Variants in C10orf105 observed in about 807,000 individuals in gnomAD.
C10orf105 encodes chromosome 10 open reading frame 105, also known as uncharacterized protein C10orf105.
Under a neutral mutation model 0.6 loss-of-function variants are expected in C10orf105, and 2 were observed. The ratio of observed to expected loss-of-function variants is 3.18; its 90% CI spans 1.30 to 10.01. The LOEUF is 10.01. C10orf105 is among the 30% of genes most tolerant of loss of function. The pLI is 0.04. For synonymous variants in C10orf105, 95 were observed against 82.4 expected, an observed-to-expected ratio of 1.15 and a Z score of -0.83; for missense variants, 209 against 191.4, an observed-to-expected ratio of 1.09 and a Z score of -0.54.
intron 1 of C10orf105, among the ~76,000 whole-genome samples, chr10:71,728,226 C>G (rs965347809): frequency 3.9e-5 from 6 of 152,140 alleles, no homozygotes; most frequent in Non-Finnish European, 5.9e-5. Context: ...TCTTCCCCAG[C>G]CAAGTTCTGG....
At chr10:71,716,831 C>T (rs1866271468) in intron 1 of C10orf105, 2 of 155,582 alleles carry the variant, frequency 1.3e-5, no homozygotes, top group Admixed American at 1.3e-4. Flanking sequence ...ATGTTTTTAT[C>T]AATGTAATTA....
upstream of C10orf105, among the ~76,000 whole-genome samples, chr10:71,722,614 A>T (rs1347647661): frequency 6.6e-6 from 1 of 152,246 alleles, no homozygotes; most frequent in Admixed American, 6.5e-5. Flanking sequence ...CAAAGATAGC[A>T]TGTATCAGAG....
Position 71,715,838 on chromosome 10 carries a change from G to T in C10orf105, c.*98C>A. 8.1e-7 allele frequency: 1 copy of T among 1,233,536 alleles called. No individual in the cohort carries two copies. Among genetic ancestry groups the T allele is most frequent in the Non-Finnish European group, 1.1e-6 (1 of 917,564 alleles). 76.4% of individuals were successfully genotyped at this position (1,233,536 alleles called of 1,614,324 possible). A position where few individuals can be genotyped will look rare whatever the true frequency, so the allele number is the denominator to read the frequency against. On this transcript the variant is annotated 3_prime_UTR_variant, in exon 2 of 2. Transcript: ENST00000441508. Reference sequence around the variant, plus strand: ...GTGAGTGTGTGTCCCAGACTGCTTGGGCCACTGTCTTCCTGCAGCCTGCAG... The same window carrying T: ...GTGAGTGTGTGTCCCAGACTGCTTGTGCCACTGTCTTCCTGCAGCCTGCAG...
intron 1 of C10orf105, among the ~76,000 whole-genome samples, chr10:71,737,460 G>T (rs1839598008): frequency 6.6e-6 from 1 of 152,252 alleles, no homozygotes; most frequent in African/African-American, 2.4e-5. Context: ...CCTACAGATA[G>T]GGGAGTGTGG....
chr10:71,722,885 G>A (rs1275866994), upstream of C10orf105, among the ~76,000 whole-genome samples: 1 of 152,176 alleles, frequency 6.6e-6, no homozygotes, highest in Non-Finnish European at 1.5e-5. Context: ...GTGGGAAGTG[G>A]GGCCCAGGGA....
chr10:71,718,386 C>A (rs1468651195), intron 1 of C10orf105, among the ~76,000 whole-genome samples: 1 of 152,158 alleles, frequency 6.6e-6, no homozygotes, highest in African/African-American at 2.4e-5. Context: ...CCCCTCCCAG[C>A]ACTTCCAGGC....
rs757508152 is a variant in C10orf105 at position 71,712,772 on chromosome 10, A to G, written c.*3164T>C. 23 of 1,613,042 alleles carry G rather than the reference A, an allele frequency of 1.4e-5. No individual in the cohort carries two copies. Among genetic ancestry groups the G allele is most frequent in the Admixed American group, 3.3e-5 (2 of 59,928 alleles). On this transcript the variant is annotated 3_prime_UTR_variant, in exon 2 of 2. Coordinates refer to ENST00000441508, the MANE Select transcript of C10orf105 (RefSeq NM_001164375.3). ...CTTTCTGCAGAGCAGCTATGAGGCC[A>G]GCGTCCCTGAGGACATCCCTGAAGG...
At chr10:71,729,895 C>T (rs866455033) in intron 1 of C10orf105, among the ~76,000 whole-genome samples, 2 of 151,364 alleles carry the variant, frequency 1.3e-5, no homozygotes, top group Non-Finnish European at 2.9e-5. Context: ...AGTGCAGTGG[C>T]GCGATCTTGG....
At position 71,725,427 on chromosome 10, in the gene C10orf105, G is replaced by C. The variant is rs397517324; in HGVS notation, c.-5-9085C>G. 36 of 1,614,046 alleles carry C rather than the reference G, an allele frequency of 2.2e-5. 1 individual carries two copies. The African/African-American group carries it at 4.7e-4, about 21-fold the overall frequency. The stretch of plus-strand genomic sequence containing the variant: ...TCAGCAATGGGCTCCTGATGCGAGG[G>C]CCCCGGCCCCTGGACCGGGAGCGGA... On this transcript the variant is annotated intron_variant, in intron 1 of 1. Transcript: ENST00000398786.
chr10:71,734,738 T>G, intron 1 of C10orf105: 1 of 907,648 alleles, frequency 1.1e-6, no homozygotes. Flanking sequence ...GCCCTGGACC[T>G]TCCCACCTCT....
At chr10:71,731,858 G>T in intron 1 of C10orf105, 1 of 884,510 alleles carries the variant, frequency 1.1e-6, no homozygotes. Context: ...GGATGATCCT[G>T]CCGGCAGAGG....
chr10:71,736,650 A>G (rs1375756962), intron 1 of C10orf105, among the ~76,000 whole-genome samples: 1 of 152,158 alleles, frequency 6.6e-6, no homozygotes, highest in Non-Finnish European at 1.5e-5. Context: ...TGGGAAGTCC[A>G]GCAGCCCCCC....
At chr10:71,734,765 G>C (rs114819631) in intron 1 of C10orf105, 2 of 680,572 alleles carry the variant, frequency 2.9e-6, no homozygotes, top group Non-Finnish European at 5.0e-6. Context: ...GAGAAGGCAC[G>C]TGGACAGGCC....
rs1277049543 is a variant in C10orf105, at chr10:71,734,095, GAGA to G, written c.-6+3630_-6+3632del. On this transcript the variant is annotated intron_variant, in intron 1 of 1. Transcript: ENST00000398786. Reference sequence around the variant, plus strand: ...GGTGGCTTCCCAGTGGAATGTGAGAGAGAAGAAGGAATTCAACAGACAGAGTGT... The same window carrying G: ...GGTGGCTTCCCAGTGGAATGTGAGAGAGAAGGAATTCAACAGACAGAGTGT... 4 of 710,118 alleles carry G rather than the reference GAGA, an allele frequency of 5.6e-6. No homozygotes were observed. In the African/African-American group the frequency reaches 7.0e-5, roughly 12 times the overall value. The allele number at this position is 710,118 out of a possible 1,614,324, so 44.0% of individuals were successfully genotyped here.
intron 1 of C10orf105, among the ~76,000 whole-genome samples, chr10:71,733,145 G>A (rs1048486747): frequency 2.6e-5 from 4 of 152,328 alleles, no homozygotes; most frequent in Middle Eastern, 3.4e-3. Context: ...GCAGAACTCA[G>A]GGAAACACTT....
upstream of C10orf105, among the ~76,000 whole-genome samples, chr10:71,723,881 A>T (rs1304457711): frequency 6.6e-6 from 1 of 152,136 alleles, no homozygotes; most frequent in Non-Finnish European, 1.5e-5. Flanking sequence ...GATTAGAAAG[A>T]CATACACGTC....
intron 1 of C10orf105, chr10:71,737,645 G>A (rs1276466366): frequency 4.3e-6 from 2 of 465,154 alleles, no homozygotes; most frequent in Non-Finnish European, 8.8e-6. Context: ...GGGCAGGGCA[G>A]TGGGAGAAGG....
chr10:71,732,351 C>T (rs372430411), intron 1 of C10orf105: 1 of 1,574,642 alleles, frequency 6.4e-7, no homozygotes, highest in African/African-American at 1.4e-5. Context: ...AGGCCAAAGC[C>T]CTCTTCAAGA....
intron 1 of C10orf105, among the ~76,000 whole-genome samples, chr10:71,725,796 C>G (rs1390445513): frequency 1.3e-5 from 2 of 152,192 alleles, no homozygotes; most frequent in African/African-American, 4.8e-5. Context: ...GTACTAACCC[C>G]TGTATCCACA....
Sources: allele counts gnomAD v4.1 joint callset (sites outside exome capture counted in the v4.1 genomes callset), GRCh38; gene constraint gnomAD v4.1.1; transcripts MANE v1.5; gene names NCBI Gene and HGNC (gene_info 2026-07-23, HGNC 2026-07-21).